PLCL1: variants seen among roughly 807,000 people sequenced by gnomAD.
PLCL1 encodes inactive phospholipase C-like protein 1.
In PLCL1, 41 loss-of-function variants were observed where a neutral mutation model predicts 84.4. The observed-to-expected ratio is 0.49, with a 90% CI of 0.38 to 0.63. PLCL1 has a LOEUF of 0.63. PLCL1 is among the 30% of genes least tolerant of loss of function. The pLI, the probability that PLCL1 is intolerant of heterozygous loss-of-function variation, is 0.00. For synonymous variants in PLCL1, 490 were observed against 488.3 expected (o/e 1.00, Z -0.05); for missense variants, 1,206 against 1,367.8 (o/e 0.88, Z 1.87).
chr2:197,819,284 C>A (rs1690759774), intron 1 of PLCL1, among the ~76,000 whole-genome samples: 1 of 152,070 alleles, frequency 6.6e-6, no homozygotes, highest in Non-Finnish European at 1.5e-5. Flanking sequence ...CTAAATCCAC[C>A]ATTCTAGCTT....
At chr2:198,043,092 G>A (rs910058271) in intron 1 of PLCL1, among the ~76,000 whole-genome samples, 1 of 152,180 alleles carries the variant, frequency 6.6e-6, no homozygotes, top group Admixed American at 6.5e-5. Flanking sequence ...GATGAAAGTG[G>A]TAGTGACAGA....
chr2:198,097,215 T>G (rs1693222021), intron 3 of PLCL1, among the ~76,000 whole-genome samples: 1 of 152,196 alleles, frequency 6.6e-6, no homozygotes, highest in Non-Finnish European at 1.5e-5. Flanking sequence ...GTATGGAAAC[T>G]TCCTTCACAT....
At chr2:197,925,575 A>T (rs1338551534) in intron 1 of PLCL1, among the ~76,000 whole-genome samples, 1 of 152,216 alleles carries the variant, frequency 6.6e-6, no homozygotes, top group African/African-American at 2.4e-5. Flanking sequence ...ACTCCTAGCC[A>T]AGGAGAAAGC....
chr2:197,979,347 A>G (rs988253207), intron 1 of PLCL1, among the ~76,000 whole-genome samples: 2 of 152,154 alleles, frequency 1.3e-5, no homozygotes, highest in African/African-American at 2.4e-5. Context: ...AGATTTTACT[A>G]ATATCACTAA....
intron 1 of PLCL1, among the ~76,000 whole-genome samples, chr2:198,058,752 C>T (rs1478502120): frequency 6.6e-6 from 1 of 151,938 alleles, no homozygotes; most frequent in African/African-American, 2.4e-5. Context: ...TTCAAAAATT[C>T]TCCGTTCTTT....
intron 1 of PLCL1, among the ~76,000 whole-genome samples, chr2:197,899,614 G>A (rs569595269): frequency 7.5e-4 from 113 of 150,616 alleles, no homozygotes; most frequent in Non-Finnish European, 1.3e-3. Context: ...CTGCCTCAGG[G>A]CCTTGGCACA....
chr2:197,938,941 A>C (rs747817094), intron 1 of PLCL1, among the ~76,000 whole-genome samples: 10 of 152,176 alleles, frequency 6.6e-5, no homozygotes, highest in Non-Finnish European at 1.2e-4. Flanking sequence ...AAATAAGAAC[A>C]TTTGAGTTTG....
intron 1 of PLCL1, among the ~76,000 whole-genome samples, chr2:197,926,572 TC>T (rs1688834917): frequency 6.6e-6 from 1 of 152,184 alleles, no homozygotes; most frequent in South Asian, 2.1e-4. Context: ...TGTTGCCTTT[TC>T]TAACCGTGAC....
Position 198,146,812 on chromosome 2 carries a change from T to C in PLCL1, c.3138T>C (p.Asn1046=), listed in dbSNP as rs906794438. Residue 1046 remains asparagine, a synonymous_variant, in exon 6 of 6, where the codon AAT becomes AAC. Transcript: ENST00000428675. The part of the protein sequence containing the change: ...GQGDLLKNAK[N]EAIENMKQIQ... Reference sequence around the variant, plus strand: ...GAGATCTGTTGAAGAATGCCAAGAATGAAGCTATAGAAAACATGAAGCAGA... The same window carrying C: ...GAGATCTGTTGAAGAATGCCAAGAACGAAGCTATAGAAAACATGAAGCAGA... 35 of 1,613,084 alleles carry C rather than the reference T, an allele frequency of 2.2e-5. No individual in the cohort carries two copies. Among genetic ancestry groups the C allele is most frequent in the Non-Finnish European group, 3.0e-5 (35 of 1,179,574 alleles).
At chr2:198,109,211 C>A (rs965589175) in intron 5 of PLCL1, among the ~76,000 whole-genome samples, 1 of 151,790 alleles carries the variant, frequency 6.6e-6, no homozygotes, top group Admixed American at 6.6e-5. Context: ...GTCTCTTCTT[C>A]CAAGATGGTG....
At chr2:197,864,361 T>G (rs1234167563) in intron 1 of PLCL1, among the ~76,000 whole-genome samples, 1 of 152,028 alleles carries the variant, frequency 6.6e-6, no homozygotes, top group Non-Finnish European at 1.5e-5. Flanking sequence ...TTTTTTTTTT[T>G]TTGTTTCTCT....
In PLCL1 at chr2:197,805,919, C is replaced by T. The variant is rs992410636; in HGVS notation, c.240+580C>T. On this transcript the variant is annotated intron_variant, in intron 1 of 5. Transcript: ENST00000428675. This position sits in a 1 kb window ranked among gnomAD's most constrained non-coding sequence, Gnocchi z 4.0. ...AAGCACAACCGGAAAGCAATCAATCCCCCAAGCATTATCACTGGTCCTTGT... is the reference window on the plus strand; with the variant it reads ...AAGCACAACCGGAAAGCAATCAATCTCCCAAGCATTATCACTGGTCCTTGT... 5.3e-5 allele frequency among the ~76,000 whole-genome samples: 8 copies of T among 152,170 alleles called. No individual in the cohort carries two copies. The highest frequency in any genetic ancestry group is 1.2e-4 in the Non-Finnish European group (8 of 68,040).
At chr2:198,016,401 A>G (rs978466338) in intron 1 of PLCL1, among the ~76,000 whole-genome samples, 6 of 152,176 alleles carry the variant, frequency 3.9e-5, no homozygotes, top group African/African-American at 1.2e-4. Context: ...TCCTCTCTTC[A>G]AGTCCCATGT....
intron 3 of PLCL1, among the ~76,000 whole-genome samples, chr2:198,094,923 C>T (rs1165455856): frequency 3.3e-5 from 5 of 152,106 alleles, no homozygotes; most frequent in Non-Finnish European, 7.3e-5. Flanking sequence ...TGATATAAAA[C>T]GTGTCACGGC....
At chr2:198,006,624 C>A (rs1690734955) in intron 1 of PLCL1, among the ~76,000 whole-genome samples, 1 of 152,078 alleles carries the variant, frequency 6.6e-6, no homozygotes, top group Admixed American at 6.5e-5. Context: ...AGTCTGGAAC[C>A]TTTGGTGGGT....
At position 198,084,728 on chromosome 2, in the gene PLCL1, T is replaced by C; in HGVS notation, c.1211T>C (p.Leu404Ser). 1 of 1,614,114 alleles carries C rather than the reference T, an allele frequency of 6.2e-7. No individual in the cohort carries two copies. The highest frequency in any genetic ancestry group is 1.1e-5 in the South Asian group (1 of 91,076). Residue 404 changes from leucine (L) to serine (S), a missense_variant, in exon 2 of 6, where the codon TTA becomes TCA. Transcript: ENST00000428675. ...GTTGCCCAAGATATGACCCAGCCAT[T>C]ATCTCACTACTATATCAATGCCTCT... ...KKVAQDMTQP[L>S]SHYYINASHN...
In PLCL1 at chr2:198,085,846, A is replaced by G. The variant is rs1692863986; in HGVS notation, c.2329A>G (p.Ile777Val). 1 of 1,614,132 alleles carries G rather than the reference A, an allele frequency of 6.2e-7. No homozygotes were observed. Among genetic ancestry groups the G allele is most frequent in the East Asian group, 2.2e-5 (1 of 44,888 alleles). ...TGTACAGCAAAACAGTGATAATCCTATTTTTGATGAAACTTTTGAGTTCCA... is the reference window on the plus strand; with the variant it reads ...TGTACAGCAAAACAGTGATAATCCTGTTTTTGATGAAACTTTTGAGTTCCA... Reference protein sequence around the residue: ...KTVQQNSDNPIFDETFEFQVN... With the variant: ...KTVQQNSDNPVFDETFEFQVN... The change falls in exon 2 of 6, where the codon ATT becomes GTT. Residue 777 changes from isoleucine to valine, a missense_variant. Transcript: ENST00000428675. The surrounding 1 kb of genome is among the most constrained non-coding windows in gnomAD (Gnocchi z 5.3).
intron 5 of PLCL1, among the ~76,000 whole-genome samples, chr2:198,136,853 C>T (rs1694268030): frequency 1.3e-5 from 2 of 152,052 alleles, no homozygotes; most frequent in South Asian, 2.1e-4. Flanking sequence ...AGCACTTATC[C>T]CACTCATGAA....
chr2:198,091,772 T>G (rs1693048822), intron 3 of PLCL1, among the ~76,000 whole-genome samples: 1 of 149,088 alleles, frequency 6.7e-6, no homozygotes, highest in African/African-American at 2.4e-5. Flanking sequence ...AAAACATAGA[T>G]CAAATCAAGT....
Sources: allele counts gnomAD v4.1 joint callset (sites outside exome capture counted in the v4.1 genomes callset), GRCh38; gene constraint gnomAD v4.1.1; non-coding constraint Gnocchi (gnomAD v3.1); transcripts MANE v1.5; gene names NCBI Gene and HGNC (gene_info 2026-07-23, HGNC 2026-07-21).